The following NHEJ1 variants were observed in gnomAD, a reference collection of about 807,000 sequenced individuals.
The protein encoded by NHEJ1 is non-homologous end-joining factor 1.
In NHEJ1, 22 loss-of-function variants were observed where a neutral mutation model predicts 39.4. The ratio of observed to expected loss-of-function variants is 0.56; its 90% confidence interval spans 0.40 to 0.80. The LOEUF (loss-of-function observed/expected upper bound fraction) is 0.80. Among genes scored for constraint, NHEJ1 ranks in the 30% least tolerant of loss-of-function variants. NHEJ1 has a pLI of 0.00. For missense variants in NHEJ1, 329 were observed against 357.1 expected (o/e 0.92, Z 0.63); for synonymous variants, 154 against 135.6 (o/e 1.14, Z -0.94).
At chr2:219,138,222 C>A (rs1949654843) in intron 5 of NHEJ1, among the ~76,000 whole-genome samples, 1 of 152,104 alleles carries the variant, frequency 6.6e-6, no homozygotes, top group Non-Finnish European at 1.5e-5. Context: ...TTGTTAGGTA[C>A]TTATTCTTTT....
At chr2:219,156,416 T>C (rs1200435907) in intron 3 of NHEJ1, among the ~76,000 whole-genome samples, 1 of 152,228 alleles carries the variant, frequency 6.6e-6, no homozygotes, top group Non-Finnish European at 1.5e-5. Flanking sequence ...GCTAACAATC[T>C]ATACTTTTAG....
chr2:219,110,886 C>T (rs767685843), intron 5 of NHEJ1, among the ~76,000 whole-genome samples: 1 of 152,110 alleles, frequency 6.6e-6, no homozygotes, highest in Non-Finnish European at 1.5e-5. Flanking sequence ...CATTTCAGAT[C>T]CTTTGGCTCT....
At chr2:219,146,653 C>T (rs1221816747) in intron 5 of NHEJ1, 27 bp downstream of exon 5, 3 of 1,579,868 alleles carry the variant, frequency 1.9e-6, no homozygotes, top group Non-Finnish European at 2.6e-6. Flanking sequence ...AGGGCAAAGA[C>T]ACACAAGAAA....
chr2:219,149,864 A>G (rs550983772), intron 3 of NHEJ1, among the ~76,000 whole-genome samples: 2 of 152,364 alleles, frequency 1.3e-5, no homozygotes, highest in South Asian at 4.1e-4. Flanking sequence ...GCAGCCACAG[A>G]CAATATGTAA....
chr2:219,149,786 A>G (rs1949778199), intron 3 of NHEJ1, among the ~76,000 whole-genome samples: 1 of 152,254 alleles, frequency 6.6e-6, no homozygotes, highest in Non-Finnish European at 1.5e-5. Context: ...CAGATAGTTA[A>G]CATTTTTGGC....
intron 5 of NHEJ1, among the ~76,000 whole-genome samples, chr2:219,115,003 T>A (rs1949397662): frequency 6.6e-6 from 1 of 151,844 alleles, no homozygotes; most frequent in African/African-American, 2.4e-5. Flanking sequence ...GCCTCTATAA[T>A]TAACAGAAAC....
intron 3 of NHEJ1, 34 bp from the exon 4 acceptor site, chr2:219,147,829 C>A: frequency 1.9e-6 from 3 of 1,612,000 alleles, no homozygotes; most frequent in South Asian, 1.1e-5. Flanking sequence ...AGCCAAAAGA[C>A]TCTTATAAAG....
At chr2:219,108,418 C>T (rs747044824) in intron 5 of NHEJ1, among the ~76,000 whole-genome samples, 1 of 152,164 alleles carries the variant, frequency 6.6e-6, no homozygotes, top group African/African-American at 2.4e-5. Flanking sequence ...AAGTAAAGAG[C>T]CTATGTCTTT....
intron 5 of NHEJ1, among the ~76,000 whole-genome samples, chr2:219,133,464 T>C (rs1372331650): frequency 6.6e-6 from 1 of 152,178 alleles, no homozygotes; most frequent in East Asian, 1.9e-4. Context: ...GAGATAGAGT[T>C]AGAAGAAGAA....
At chr2:219,097,683 G>T (rs554865119) in intron 5 of NHEJ1, among the ~76,000 whole-genome samples, 1 of 152,160 alleles carries the variant, frequency 6.6e-6, no homozygotes, top group East Asian at 1.9e-4. Flanking sequence ...GTGGGGGTTG[G>T]GGGTAGGGGA....
chr2:219,136,981 A>T (rs1643947521), intron 5 of NHEJ1, among the ~76,000 whole-genome samples: 1 of 151,778 alleles, frequency 6.6e-6, no homozygotes, highest in African/African-American at 2.4e-5. Flanking sequence ...TTACTTTAAA[A>T]TTTTTAATAA....
At chr2:219,140,398 G>A (rs1949679221) in intron 5 of NHEJ1, among the ~76,000 whole-genome samples, 1 of 152,224 alleles carries the variant, frequency 6.6e-6, no homozygotes. Context: ...GTTGATAATA[G>A]GCCAGGAGGG....
At chr2:219,118,505 G>A (rs1335897806) in intron 5 of NHEJ1, among the ~76,000 whole-genome samples, 4 of 152,152 alleles carry the variant, frequency 2.6e-5, no homozygotes, top group Non-Finnish European at 5.9e-5. Flanking sequence ...AGGGCAGGAA[G>A]AGAAGAGAGC....
At chr2:219,092,935 G>A (rs1299001805) in intron 5 of NHEJ1, among the ~76,000 whole-genome samples, 1 of 152,174 alleles carries the variant, frequency 6.6e-6, no homozygotes, top group Non-Finnish European at 1.5e-5. Context: ...AGACCTCCCT[G>A]TGCCTATTCA....
Position 219,071,313 on chromosome 2 carries a change from G to A in NHEJ1, c.*5068C>T, listed in dbSNP as rs1188499574. On this transcript the variant is annotated 3_prime_UTR_variant, in exon 8 of 8. Transcript: ENST00000356853. ...CTGACTGGCCGTCAATCCTATCAGGGGTCCATAAAGCTAGGAGGACTCTGG... is the reference window on the plus strand; with the variant it reads ...CTGACTGGCCGTCAATCCTATCAGGAGTCCATAAAGCTAGGAGGACTCTGG... 1.3e-5 allele frequency among the ~76,000 whole-genome samples: 2 copies of A among 152,122 alleles called. No individual in the cohort carries two copies. The highest frequency in any genetic ancestry group is 2.4e-5 in the African/African-American group (1 of 41,442).
In NHEJ1 at chr2:219,073,583, G is replaced by A. The variant is rs1164219902; in HGVS notation, c.*2798C>T. 2.0e-5 allele frequency among the ~76,000 whole-genome samples: 3 copies of A among 152,210 alleles called. No individual in the cohort carries two copies. The highest frequency in any genetic ancestry group is 1.9e-4 in the East Asian group (1 of 5,194). On this transcript the variant is annotated 3_prime_UTR_variant, in exon 8 of 8. Coordinates refer to ENST00000356853, the MANE Select transcript of NHEJ1 (RefSeq NM_024782.3). ...AAGTAGGCCTTGCAATCTAGGTGGCGCTATTTCTCTACTTTTTAGGTCAAG... is the reference window on the plus strand; with the variant it reads ...AAGTAGGCCTTGCAATCTAGGTGGCACTATTTCTCTACTTTTTAGGTCAAG...
At chr2:219,080,668 T>TATATATATGCTAATATACATAAGC (rs1559185964) in intron 5 of NHEJ1, among the ~76,000 whole-genome samples, 1 of 16,340 alleles carries the variant, frequency 6.1e-5, no homozygotes, top group Non-Finnish European at 2.0e-4. Flanking sequence ...TATATAAGCT[T>TATATATATGCTAATATACATAAGC]TTATATATGC....
At chr2:219,152,507 G>A (rs1949805755) in intron 3 of NHEJ1, among the ~76,000 whole-genome samples, 1 of 152,160 alleles carries the variant, frequency 6.6e-6, no homozygotes, top group Non-Finnish European at 1.5e-5. Flanking sequence ...AGTGAAGGCT[G>A]GAGCACAGTA....
chr2:219,114,728 C>T (rs1184358660), intron 5 of NHEJ1, among the ~76,000 whole-genome samples: 3 of 152,112 alleles, frequency 2.0e-5, no homozygotes, highest in Middle Eastern at 3.2e-3. Context: ...TATCTGGGGC[C>T]CAGACATGGC....
Sources: gnomAD v4.1 joint callset for allele counts (sites outside exome capture counted in the v4.1 genomes callset) on GRCh38, gnomAD v4.1.1 for gene constraint, MANE v1.5 for transcripts, NCBI Gene and HGNC (gene_info 2026-07-23, HGNC 2026-07-21) for gene names.